Variants in JAK1 observed in about 807,000 individuals in gnomAD.
The protein encoded by JAK1 is tyrosine-protein kinase JAK1.
Under a neutral mutation model 136.6 loss-of-function variants are expected in JAK1, and 16 were observed. That is an observed-to-expected ratio of 0.12 (90% CI 0.08 to 0.18). The LOEUF (loss-of-function observed/expected upper bound fraction) is 0.18, where lower values mean the gene tolerates loss of function less well. JAK1 is among the 10% of genes least tolerant of loss of function. JAK1 has a pLI of 1.00. For synonymous variants in JAK1, 492 were observed against 519.5 expected (o/e 0.95, Z 0.72); for missense variants, 859 against 1,450.1 (o/e 0.59, Z 6.62).
chr1:64,844,380 T>A lies in JAK1; in HGVS notation c.2252-165A>T, dbSNP rs1392165714. ...GCCCTGTGCGGGGGGCCTGCAGGCG[T>A]GCAGCCCTCCAAGCCACCACCAGCA... On this transcript the variant is annotated intron_variant, in intron 16 of 24. Coordinates refer to ENST00000342505, the MANE Select transcript of JAK1 (RefSeq NM_002227.4). This position sits in a 1 kb window ranked among gnomAD's most constrained non-coding sequence, Gnocchi z 5.7. Among the ~76,000 whole-genome samples, 1 of 152,186 alleles carries A rather than the reference T, an allele frequency of 6.6e-6. No homozygotes were observed. The highest frequency in any genetic ancestry group is 2.4e-5 in the African/African-American group (1 of 41,454).
intron 2 of JAK1, among the ~76,000 whole-genome samples, chr1:64,981,590 T>C (rs938889892): frequency 1.3e-5 from 2 of 152,222 alleles, no homozygotes; most frequent in Non-Finnish European, 2.9e-5. Flanking sequence ...AATTAAAATA[T>C]CTCTAAGAAT....
chr1:65,040,092 A>T (rs1024577201), intron 2 of JAK1, among the ~76,000 whole-genome samples: 1 of 151,958 alleles, frequency 6.6e-6, no homozygotes, highest in Non-Finnish European at 1.5e-5. Flanking sequence ...GTGGGCACCT[A>T]TAATCCCAGC....
At chr1:64,835,328 T>G in intron 24 of JAK1, 68 bp downstream of exon 24, 1 of 815,410 alleles carries the variant, frequency 1.2e-6, no homozygotes, top group South Asian at 1.7e-5. Context: ...TACCCATTGC[T>G]GGACAACTCA....
intron 1 of JAK1, among the ~76,000 whole-genome samples, chr1:64,940,686 G>T (rs1645874112): frequency 6.6e-6 from 1 of 152,152 alleles, no homozygotes; most frequent in African/African-American, 2.4e-5. Context: ...GCAAGAGTCA[G>T]TAGGTGGTGA....
At chr1:64,862,659 G>C (rs1271281974) in intron 8 of JAK1, among the ~76,000 whole-genome samples, 1 of 152,208 alleles carries the variant, frequency 6.6e-6, no homozygotes. Context: ...GACAGGACAG[G>C]ATGGGGCAGG....
At chr1:64,855,742 A>T in intron 10 of JAK1, 44 bp from the exon 11 acceptor site, 1 of 1,548,524 alleles carries the variant, frequency 6.5e-7, no homozygotes, top group African/African-American at 1.4e-5. Flanking sequence ...AAATGGGGTC[A>T]GGCATGGGTA....
intron 1 of JAK1, among the ~76,000 whole-genome samples, chr1:65,064,530 T>C (rs953589191): frequency 1.7e-4 from 26 of 152,350 alleles, no homozygotes; most frequent in Non-Finnish European, 5.9e-5. Context: ...CTGAGTATTT[T>C]AGCTCAGAGA....
intron 2 of JAK1, among the ~76,000 whole-genome samples, chr1:65,029,379 C>T (rs987129525): frequency 1.3e-5 from 2 of 152,142 alleles, no homozygotes; most frequent in Middle Eastern, 3.2e-3. Context: ...GGATTACAGG[C>T]GTGAGCCAAC....
chr1:65,061,117 T>C (rs1392695347), intron 1 of JAK1, among the ~76,000 whole-genome samples: 1 of 152,288 alleles, frequency 6.6e-6, no homozygotes, highest in Admixed American at 6.5e-5. Flanking sequence ...AAAGAACTTT[T>C]AAAATAACGT....
At chr1:64,922,768 C>G (rs566815180) in intron 1 of JAK1, among the ~76,000 whole-genome samples, 1 of 152,168 alleles carries the variant, frequency 6.6e-6, no homozygotes, top group African/African-American at 2.4e-5. Context: ...TCATGAACAC[C>G]ATCTCTAGAG....
intron 2 of JAK1, among the ~76,000 whole-genome samples, chr1:65,008,489 C>G (rs1411531596): frequency 1.3e-5 from 2 of 151,898 alleles, no homozygotes; most frequent in Non-Finnish European, 2.9e-5. Context: ...TCAGGGTGGT[C>G]TTAAAATCCT....
Position 64,980,803 on chromosome 1 carries a change from T to C in JAK1, c.-78+63677A>G, listed in dbSNP as rs529685485. Among the ~76,000 whole-genome samples the C allele has an allele frequency of 5.3e-5, 8 of 151,544 alleles. No homozygotes were observed. The South Asian group carries it at 1.7e-3, about 32-fold the overall frequency. On this transcript the variant is annotated intron_variant, in intron 2 of 25. Coordinates refer to the JAK1 transcript ENST00000671954. ...GAGTTCTCATTGTTCAGTTCCCACC[T>C]ATGGAGTGAGAACATGCGGTGTTTG...
chr1:64,861,905 G>C (rs1268548757), intron 8 of JAK1, among the ~76,000 whole-genome samples: 1 of 152,182 alleles, frequency 6.6e-6, no homozygotes, highest in Admixed American at 6.5e-5. Flanking sequence ...TCTGAACAAG[G>C]GGCAGGCTGG....
chr1:64,839,083 T>G (rs1654703682), intron 20 of JAK1, among the ~76,000 whole-genome samples: 1 of 142,764 alleles, frequency 7.0e-6, no homozygotes, highest in Non-Finnish European at 1.5e-5. Context: ...GAGGCGGAGC[T>G]TGCAGTGAGC....
At position 64,860,929 on chromosome 1, in the gene JAK1, C is replaced by CGTGTGTGTGTGTGTGT. The variant is rs577274261; in HGVS notation, c.1177-683_1177-668dup. Among the ~76,000 whole-genome samples, 15 of 48,500 alleles carry CGTGTGTGTGTGTGTGT rather than the reference C, an allele frequency of 3.1e-4. 1 individual carries two copies. The highest frequency in any genetic ancestry group is 9.0e-4 in the Admixed American group (4 of 4,464). 31.8% of individuals were successfully genotyped at this position (48,500 alleles called of 152,430 possible). On this transcript the variant is annotated intron_variant, in intron 8 of 24. Transcript: ENST00000342505. ...ATGCAGAGAAGCTGTCCCCTGGGTCCGTGTGTGTGTGTGTGTGTGTGTGTG... is the reference window on the plus strand; with the variant it reads ...ATGCAGAGAAGCTGTCCCCTGGGTCCGTGTGTGTGTGTGTGTGTGTGTGTGTGTGTGTGTGTGTGTG...
At chr1:65,067,478 C>T (rs926332973) in intron 1 of JAK1, 5 of 147,134 alleles carry the variant, frequency 3.4e-5, no homozygotes, top group South Asian at 2.0e-4. Flanking sequence ...CGGGCGCGCA[C>T]TCGGACGTCC....
chr1:65,038,640 CTTTG>C lies in JAK1; in HGVS notation c.-78+5836_-78+5839del, dbSNP rs552943522. 4.2e-3 allele frequency among the ~76,000 whole-genome samples: 632 copies of C among 152,038 alleles called. 1 individual carries two copies. The highest frequency in any genetic ancestry group is 0.014 in the African/African-American group (600 of 41,500). On this transcript the variant is annotated intron_variant, in intron 2 of 25. Transcript: ENST00000671954. ...CAAACCTCCCCATTCCTTTAGACAT[CTTTG>C]TTTGTTTGTTTTGAGACAAGGTCTC...
rs1306900538 is a variant in JAK1, at chr1:64,913,703, A to AAGGAAG, written c.-77-27363_-77-27362insCTTCCT. On this transcript the variant is annotated intron_variant, in intron 1 of 24. Coordinates refer to ENST00000342505, the MANE Select transcript of JAK1 (RefSeq NM_002227.4). Reference sequence around the variant, plus strand: ...AGGAAGGAAGGAAGGAAGGAAGGAAAGAAGGGAGGGAGGGAGGGAGGGAGG... The same window carrying AAGGAAG: ...AGGAAGGAAGGAAGGAAGGAAGGAAAAGGAAGGAAGGGAGGGAGGGAGGGAGGGAGG... Among the ~76,000 whole-genome samples the AAGGAAG allele has an allele frequency of 2.3e-3, 32 of 13,658 alleles. 2 individuals are homozygous for AAGGAAG. Among genetic ancestry groups the AAGGAAG allele is most frequent in the African/African-American group, 4.9e-3 (21 of 4,284 alleles). 9.0% of individuals were successfully genotyped at this position (13,658 alleles called of 152,430 possible). A position where few individuals can be genotyped will look rare whatever the true frequency, so the allele number is the denominator to read the frequency against.
intron 2 of JAK1, among the ~76,000 whole-genome samples, chr1:64,983,245 G>A (rs570494806): frequency 1.3e-5 from 2 of 152,146 alleles, no homozygotes; most frequent in East Asian, 3.9e-4. Context: ...TCAAGTATGG[G>A]CTACACTGCA....
Sources: allele counts gnomAD v4.1 joint callset (sites outside exome capture counted in the v4.1 genomes callset), GRCh38; gene constraint gnomAD v4.1.1; non-coding constraint Gnocchi (gnomAD v3.1); transcripts MANE v1.5; gene names NCBI Gene and HGNC (gene_info 2026-07-23, HGNC 2026-07-21).